Variants in IRAK1BP1 observed in about 807,000 individuals in gnomAD.
The protein encoded by IRAK1BP1 is interleukin-1 receptor-associated kinase 1-binding protein 1.
In IRAK1BP1, 24 loss-of-function variants were observed where a neutral mutation model predicts 28.0. The observed-to-expected ratio is 0.86, with a 90% CI of 0.62 to 1.20. The LOEUF (loss-of-function observed/expected upper bound fraction) is 1.20, where lower values mean the gene tolerates loss of function less well. Among genes scored for constraint, IRAK1BP1 ranks in the 50% most tolerant of loss-of-function variants. The pLI, the probability that IRAK1BP1 is intolerant of heterozygous loss-of-function variation, is 0.00. For missense variants in IRAK1BP1, 336 were observed against 316.7 expected, an observed-to-expected ratio of 1.06 and a Z score of -0.46; for synonymous variants, 131 against 116.3, an observed-to-expected ratio of 1.13 and a Z score of -0.81.
At chr6:78,906,186 C>T (rs2127659273), downstream of IRAK1BP1, among the ~76,000 whole-genome samples, 1 of 151,892 alleles carries the variant, frequency 6.6e-6, no homozygotes, top group Admixed American at 6.6e-5. Context: ...TTTATATATG[C>T]TGGAATAAAT....
At chr6:78,938,239 G>C (rs1220636294) in intron 4 of IRAK1BP1, 1 of 151,620 alleles carries the variant, frequency 6.6e-6, no homozygotes, top group Non-Finnish European at 1.5e-5. Context: ...TAAGAAACCA[G>C]TGTCTAATAA....
chr6:78,896,485 C>T (rs1771887446), intron 2 of IRAK1BP1, among the ~76,000 whole-genome samples: 1 of 152,024 alleles, frequency 6.6e-6, no homozygotes, highest in Non-Finnish European at 1.5e-5. Flanking sequence ...CTATATGCTT[C>T]CATTTATATG....
At chr6:78,927,687 AT>A (rs2127668904) in intron 4 of IRAK1BP1, among the ~76,000 whole-genome samples, 1 of 152,200 alleles carries the variant, frequency 6.6e-6, no homozygotes, top group East Asian at 1.9e-4. Flanking sequence ...TAAGTCTTTA[AT>A]GCATTTTGAT....
chr6:78,930,857 G>A (rs1473097265), intron 4 of IRAK1BP1, among the ~76,000 whole-genome samples: 1 of 152,022 alleles, frequency 6.6e-6, no homozygotes, highest in East Asian at 1.9e-4. Flanking sequence ...CTTGAACCCG[G>A]TAGGTGGAAG....
intron 4 of IRAK1BP1, among the ~76,000 whole-genome samples, chr6:78,914,826 G>GT (rs1420293559): frequency 6.6e-6 from 1 of 151,750 alleles, no homozygotes; most frequent in Non-Finnish European, 1.5e-5. Flanking sequence ...TTTTTATTTT[G>GT]TTTTTGTTTT....
At chr6:78,910,865 G>A (rs113404142) in intron 4 of IRAK1BP1, among the ~76,000 whole-genome samples, 1 of 152,248 alleles carries the variant, frequency 6.6e-6, no homozygotes, top group African/African-American at 2.4e-5. Context: ...TGCTGGGACA[G>A]CCGCGCACCA....
the IRAK1BP1 span, among the ~76,000 whole-genome samples, chr6:78,974,096 C>A: frequency 1.3e-5 from 2 of 152,068 alleles, no homozygotes; most frequent in South Asian, 2.1e-4. Flanking sequence ...CCACACCACA[C>A]CTATTCCAAA....
At chr6:78,961,743 T>C in the IRAK1BP1 span, 1 of 1,612,562 alleles carries the variant, frequency 6.2e-7, no homozygotes, top group Non-Finnish European at 8.5e-7. Context: ...CCGTTGGATA[T>C]GCCACTACTG....
chr6:78,905,655 G>A (rs543065595), downstream of IRAK1BP1, among the ~76,000 whole-genome samples: 90 of 152,306 alleles, frequency 5.9e-4, no homozygotes, highest in Middle Eastern at 3.4e-3. Context: ...AGGCTGGAGT[G>A]CAGTGGTGCG....
At chr6:78,893,280 ATGTGTGTATATATGTGTGTG>A (rs1329933207) in intron 2 of IRAK1BP1, among the ~76,000 whole-genome samples, 1 of 114,586 alleles carries the variant, frequency 8.7e-6, no homozygotes, top group African/African-American at 2.9e-5. Context: ...GTGTATATAT[ATGTGTGTATATATGTGTGTG>A]TGTGTGTGTG....
intron 4 of IRAK1BP1, among the ~76,000 whole-genome samples, chr6:78,928,657 A>AAT (rs1772957140): frequency 6.6e-6 from 1 of 152,050 alleles, no homozygotes; most frequent in African/African-American, 2.4e-5. Flanking sequence ...GTGGGTCTCT[A>AAT]ATATATGGCT....
At chr6:78,903,967 G>A (rs1480060390), downstream of IRAK1BP1, among the ~76,000 whole-genome samples, 1 of 152,102 alleles carries the variant, frequency 6.6e-6, no homozygotes, top group African/African-American at 2.4e-5. Flanking sequence ...CTCAAGAGTA[G>A]GGCTATGCTT....
intron 2 of IRAK1BP1, among the ~76,000 whole-genome samples, chr6:78,892,658 T>C (rs1206127275): frequency 1.3e-5 from 2 of 152,126 alleles, no homozygotes; most frequent in Non-Finnish European, 2.9e-5. Context: ...TTAAAAGACA[T>C]AGTCATTAAA....
At chr6:78,873,035 T>A (rs994604957) in intron 1 of IRAK1BP1, among the ~76,000 whole-genome samples, 2 of 151,898 alleles carry the variant, frequency 1.3e-5, no homozygotes, top group South Asian at 4.2e-4. Context: ...GCAGGCGGAT[T>A]ACTTGAGATC....
At chr6:78,960,588 A>G in the IRAK1BP1 span, among the ~76,000 whole-genome samples, 2 of 152,280 alleles carry the variant, frequency 1.3e-5, no homozygotes, top group African/African-American at 4.8e-5. Context: ...ACAAATATCA[A>G]GGAAGCAACA....
chr6:78,927,330 G>T (rs558452596), intron 4 of IRAK1BP1, among the ~76,000 whole-genome samples: 1 of 152,008 alleles, frequency 6.6e-6, no homozygotes, highest in Admixed American at 6.6e-5. Context: ...ATGCCTTTTT[G>T]CCATTTGTAT....
At chr6:78,963,016 T>A in the IRAK1BP1 span, 676 of 1,336,920 alleles carry the variant, frequency 5.1e-4, no homozygotes, top group Admixed American at 2.2e-3. Flanking sequence ...TGAAAAAAAA[T>A]TTTTGTTGGA....
chr6:78,937,114 C>G (rs116023286), intron 4 of IRAK1BP1: 1 of 151,712 alleles, frequency 6.6e-6, no homozygotes, highest in Non-Finnish European at 1.5e-5. Context: ...AGAACACTTA[C>G]AGTCCTTTAA....
chr6:78,872,225 A>G, intron 1 of IRAK1BP1: 1 of 628,938 alleles, frequency 1.6e-6, no homozygotes, highest in Non-Finnish European at 2.9e-6. Flanking sequence ...CATATCCTTT[A>G]GTGCCTTTCT....
Sources: gnomAD v4.1 joint callset for allele counts (sites outside exome capture counted in the v4.1 genomes callset) on GRCh38, gnomAD v4.1.1 for gene constraint, MANE v1.5 for transcripts, NCBI Gene and HGNC (gene_info 2026-07-23, HGNC 2026-07-21) for gene names.